CNTN5: variants seen among roughly 807,000 people sequenced by gnomAD.
CNTN5 encodes contactin 5, also known as contactin-5.
In CNTN5, 77 loss-of-function variants were observed where a neutral mutation model predicts 129.1. The ratio of observed to expected loss-of-function variants is 0.60; its 90% confidence interval spans 0.50 to 0.72. The LOEUF is 0.72. CNTN5 is among the 30% of genes least tolerant of loss of function. The pLI is 0.00. For synonymous variants in CNTN5, 509 were observed against 465.6 expected (o/e 1.09, Z -1.20); for missense variants, 1,478 against 1,328.8 (o/e 1.11, Z -1.75).
chr11:99,110,145 A>G (rs1053563841), intron 1 of CNTN5, among the ~76,000 whole-genome samples: 3 of 152,146 alleles, frequency 2.0e-5, no homozygotes, highest in Non-Finnish European at 2.9e-5. Context: ...GTAGCATTTT[A>G]GTTGAAGACT....
Position 99,819,619 on chromosome 11 carries a change from C to T in CNTN5, c.131C>T (p.Ser44Phe), listed in dbSNP as rs774266423. 6.2e-7 allele frequency: 1 copy of T among 1,612,926 alleles called. No homozygotes were observed. The highest frequency in any genetic ancestry group is 8.5e-7 in the Non-Finnish European group (1 of 1,179,826). Residue 44 changes from serine (S) to phenylalanine (F), a missense_variant, in exon 4 of 25, where the codon TCT (serine) becomes TTT (phenylalanine). Transcript: ENST00000524871. The part of the protein sequence containing the change: ...LLRIKKSSSS[S>F]LFGSKTRPRY... The stretch of plus-strand genomic sequence containing the variant: ...AGAATTAAGAAGAGTTCATCTTCAT[C>T]TCTCTTTGGTTCCAAAACCAGACCA...
At chr11:100,231,748 T>C (rs943227559) in intron 16 of CNTN5, among the ~76,000 whole-genome samples, 1 of 152,236 alleles carries the variant, frequency 6.6e-6, no homozygotes, top group African/African-American at 2.4e-5. Flanking sequence ...CTCCATTCTA[T>C]TCTATTCTAA....
intron 21 of CNTN5, among the ~76,000 whole-genome samples, chr11:100,319,811 T>C (rs952724001): frequency 6.6e-5 from 10 of 152,216 alleles, no homozygotes; most frequent in Admixed American, 4.6e-4. Context: ...GTATTTGTCT[T>C]TCTGTGCCTG....
chr11:99,669,788 C>A (rs1172446621), intron 3 of CNTN5, among the ~76,000 whole-genome samples: 5 of 152,034 alleles, frequency 3.3e-5, no homozygotes, highest in African/African-American at 1.2e-4. Context: ...GTCCCTAAGC[C>A]AAGTATTTAA....
intron 20 of CNTN5, among the ~76,000 whole-genome samples, chr11:100,303,290 TA>T (rs916663907): frequency 1.3e-5 from 2 of 150,852 alleles, no homozygotes; most frequent in African/African-American, 2.4e-5. Flanking sequence ...ATTCCATTTT[TA>T]AAAAAAAAGA....
At chr11:99,696,776 G>C (rs979886261) in intron 3 of CNTN5, among the ~76,000 whole-genome samples, 5 of 151,986 alleles carry the variant, frequency 3.3e-5, no homozygotes, top group African/African-American at 1.2e-4. Context: ...ATCTTGGTTT[G>C]GCAGTGTCCG....
In CNTN5 at chr11:99,824,100, T is replaced by C. The variant is rs1448661929; in HGVS notation, c.277+4335T>C. 2.0e-5 allele frequency among the ~76,000 whole-genome samples: 3 copies of C among 152,068 alleles called. No individual in the cohort carries two copies. In the East Asian group the frequency reaches 5.8e-4, roughly 29 times the overall value. ...ATATTTAGGTTGTTTTAATTTTACA[T>C]TGTTACATGTCAAATGGATTTTTTC... is the stretch of plus-strand genomic sequence containing the variant. On this transcript the variant is annotated intron_variant, in intron 4 of 24. Coordinates refer to ENST00000524871, the MANE Select transcript of CNTN5 (RefSeq NM_014361.4).
intron 1 of CNTN5, among the ~76,000 whole-genome samples, chr11:99,111,906 CA>C (rs1857814724): frequency 6.6e-6 from 1 of 151,864 alleles, no homozygotes; most frequent in Admixed American, 6.6e-5. Context: ...CAATCATGTT[CA>C]AAAAAGATTA....
chr11:100,009,550 A>G (rs12420819), intron 9 of CNTN5, among the ~76,000 whole-genome samples: 4,430 of 152,240 alleles, frequency 0.029, 192 homozygotes, highest in East Asian at 0.19. Flanking sequence ...GCTGTTCTCC[A>G]GTTTCAACAA....
At chr11:99,337,675 T>G (rs1000281399) in intron 2 of CNTN5, among the ~76,000 whole-genome samples, 1 of 152,196 alleles carries the variant, frequency 6.6e-6, no homozygotes, top group African/African-American at 2.4e-5. Flanking sequence ...ATTTTATTTA[T>G]GGCCAGTCTT....
chr11:99,181,343 G>T (rs1024870465), intron 1 of CNTN5, among the ~76,000 whole-genome samples: 1 of 152,152 alleles, frequency 6.6e-6, no homozygotes, highest in Non-Finnish European at 1.5e-5. Flanking sequence ...AGTAACAAAG[G>T]TGCTGTGTCT....
At chr11:99,836,612 T>A (rs926190891) in intron 4 of CNTN5, among the ~76,000 whole-genome samples, 3 of 152,164 alleles carry the variant, frequency 2.0e-5, no homozygotes, top group Admixed American at 6.6e-5. Context: ...TACGTGTGCA[T>A]GTGTCTTTAT....
At chr11:100,061,493 C>A in intron 10 of CNTN5, 100 bp downstream of exon 10, 2 of 828,530 alleles carry the variant, frequency 2.4e-6, no homozygotes, top group Non-Finnish European at 3.6e-6. Flanking sequence ...TACATAAAAA[C>A]CAAGTAATAA....
intron 2 of CNTN5, among the ~76,000 whole-genome samples, chr11:99,373,164 G>C (rs1044374971): frequency 6.6e-6 from 1 of 152,050 alleles, no homozygotes; most frequent in African/African-American, 2.4e-5. Context: ...AGCCGAGATC[G>C]CACCATTGCA....
intron 3 of CNTN5, among the ~76,000 whole-genome samples, chr11:99,780,466 C>A (rs1210891457): frequency 6.6e-6 from 1 of 151,870 alleles, no homozygotes; most frequent in African/African-American, 2.4e-5. Context: ...GAATAAAGGT[C>A]GGGTTGAGAA....
chr11:99,932,602 G>T (rs1800602131), intron 7 of CNTN5, among the ~76,000 whole-genome samples: 1 of 152,124 alleles, frequency 6.6e-6, no homozygotes, highest in Non-Finnish European at 1.5e-5. Flanking sequence ...TATCAGCAAT[G>T]TGACTTTGGG....
chr11:99,344,629 AG>A (rs1937695054), intron 2 of CNTN5, among the ~76,000 whole-genome samples: 1 of 152,218 alleles, frequency 6.6e-6, no homozygotes, highest in East Asian at 1.9e-4. Flanking sequence ...GAGCAAAATA[AG>A]TAAATAGAAT....
At chr11:99,680,707 A>T (rs1174539964) in intron 3 of CNTN5, among the ~76,000 whole-genome samples, 1 of 151,546 alleles carries the variant, frequency 6.6e-6, no homozygotes, top group Admixed American at 6.6e-5. Flanking sequence ...GTGAATCCTT[A>T]TCAGAAGGTT....
At chr11:99,506,703 C>G (rs186367194) in intron 2 of CNTN5, among the ~76,000 whole-genome samples, 81 of 152,066 alleles carry the variant, frequency 5.3e-4, no homozygotes, top group African/African-American at 1.9e-3. Flanking sequence ...ATTAAATAAC[C>G]AGTAGTTCTA....
Sources: allele counts gnomAD v4.1 joint callset (sites outside exome capture counted in the v4.1 genomes callset), GRCh38; gene constraint gnomAD v4.1.1; transcripts MANE v1.5; gene names NCBI Gene and HGNC (gene_info 2026-07-23, HGNC 2026-07-21).